PDE4D: variants seen among roughly 807,000 people sequenced by gnomAD.
The protein encoded by PDE4D is 3',5'-cyclic-AMP phosphodiesterase 4D.
PDE4D carries 24 observed loss-of-function variants against 87.4 expected under a neutral mutation model. The ratio of observed to expected loss-of-function variants is 0.27; its 90% CI spans 0.20 to 0.39. The LOEUF (loss-of-function observed/expected upper bound fraction) is 0.39, where lower values mean the gene tolerates loss of function less well. PDE4D is among the 10% of genes least tolerant of loss of function. The pLI, the probability that PDE4D is intolerant of heterozygous loss-of-function variation, is 1.00. For synonymous variants in PDE4D, 384 were observed against 383.2 expected, an observed-to-expected ratio of 1.00 and a Z score of -0.02; for missense variants, 714 against 1,041.0, an observed-to-expected ratio of 0.69 and a Z score of 4.32.
At chr5:60,048,593 T>C (rs984904738) in intron 2 of PDE4D, among the ~76,000 whole-genome samples, 2 of 152,148 alleles carry the variant, frequency 1.3e-5, no homozygotes, top group African/African-American at 4.8e-5. Flanking sequence ...TTTGCTTGTC[T>C]GTAAAGGATT....
intron 1 of PDE4D, among the ~76,000 whole-genome samples, chr5:59,816,076 T>A (rs778779859): frequency 2.0e-5 from 3 of 152,208 alleles, no homozygotes; most frequent in Admixed American, 1.3e-4. Flanking sequence ...CAGTGAAGGG[T>A]TGGAAGTGTC....
intron 2 of PDE4D, among the ~76,000 whole-genome samples, chr5:60,104,326 C>T (rs1776602640): frequency 6.6e-6 from 1 of 152,188 alleles, no homozygotes. Flanking sequence ...CCACCATTGC[C>T]CAGGCTTGCT....
intron 1 of PDE4D, among the ~76,000 whole-genome samples, chr5:60,220,011 T>C (rs1024996998): frequency 6.6e-6 from 1 of 152,178 alleles, no homozygotes; most frequent in Non-Finnish European, 1.5e-5. Flanking sequence ...AATGGACTAG[T>C]ATAGTTCACA....
chr5:59,682,215 A>G (rs1240972564), intron 1 of PDE4D, among the ~76,000 whole-genome samples: 3 of 152,210 alleles, frequency 2.0e-5, no homozygotes, highest in Non-Finnish European at 2.9e-5. Flanking sequence ...GAATAACAGC[A>G]TATTTACATG....
At chr5:59,984,958 T>C (rs916336735) in intron 3 of PDE4D, among the ~76,000 whole-genome samples, 1 of 151,906 alleles carries the variant, frequency 6.6e-6, no homozygotes, top group African/African-American at 2.4e-5. Context: ...AGGTTGGCAA[T>C]GGGACTTAAA....
intron 1 of PDE4D, among the ~76,000 whole-genome samples, chr5:59,687,831 G>A (rs750925462): frequency 2.0e-4 from 31 of 152,056 alleles, no homozygotes; most frequent in Admixed American, 1.2e-3. Context: ...CCCATCTCAC[G>A]TGCAGAGACA....
chr5:60,015,554 G>A (rs1398852517), intron 2 of PDE4D, among the ~76,000 whole-genome samples: 1 of 152,188 alleles, frequency 6.6e-6, no homozygotes, highest in African/African-American at 2.4e-5. Context: ...CAGAGAGTAT[G>A]ATGATTAACT....
chr5:60,008,773 T>C (rs756003434), intron 2 of PDE4D, among the ~76,000 whole-genome samples: 1 of 152,124 alleles, frequency 6.6e-6, no homozygotes, highest in African/African-American at 2.4e-5. Flanking sequence ...TATTAAACTA[T>C]GTCTCACCTT....
At chr5:59,948,904 T>A (rs1757979197) in intron 3 of PDE4D, among the ~76,000 whole-genome samples, 1 of 152,248 alleles carries the variant, frequency 6.6e-6, no homozygotes, top group Non-Finnish European at 1.5e-5. Context: ...GGTCACCTAC[T>A]TATAGTTAAC....
chr5:59,636,301 A>G (rs1040614348), intron 1 of PDE4D, among the ~76,000 whole-genome samples: 4 of 152,234 alleles, frequency 2.6e-5, no homozygotes, highest in Non-Finnish European at 5.9e-5. Context: ...AAATGGCCAC[A>G]CTGTCCAAAG....
At chr5:59,808,643 T>A (rs1391971597) in intron 1 of PDE4D, among the ~76,000 whole-genome samples, 2 of 152,150 alleles carry the variant, frequency 1.3e-5, no homozygotes, top group Non-Finnish European at 2.9e-5. Flanking sequence ...TAAGTTTCCA[T>A]TATTCTGCTC....
chr5:60,093,698 T>G (rs1775374756), intron 2 of PDE4D, among the ~76,000 whole-genome samples: 1 of 152,082 alleles, frequency 6.6e-6, no homozygotes. Flanking sequence ...TCTAGAAAAA[T>G]GCAAAAATGA....
At chr5:59,324,905 A>G (rs1405069254) in intron 1 of PDE4D, among the ~76,000 whole-genome samples, 1 of 152,166 alleles carries the variant, frequency 6.6e-6, no homozygotes, top group Non-Finnish European at 1.5e-5. Context: ...GGAACTAAGA[A>G]CTAAAGAAAA....
chr5:60,166,768 T>C (rs1398131703), intron 2 of PDE4D, among the ~76,000 whole-genome samples: 1 of 152,218 alleles, frequency 6.6e-6, no homozygotes, highest in African/African-American at 2.4e-5. Context: ...CTTCTTCAGC[T>C]TTTGATTTTC....
intron 5 of PDE4D, among the ~76,000 whole-genome samples, chr5:59,172,185 A>G (rs1345546177): frequency 4.6e-5 from 5 of 109,678 alleles, no homozygotes; most frequent in African/African-American, 1.9e-4. Flanking sequence ...TATAATATAT[A>G]ATACATATAT....
Position 59,217,078 on chromosome 5 carries a change from GA to G in PDE4D, c.456-1111del. The G allele has an allele frequency of 7.8e-6, 3 of 384,056 alleles. No individual in the cohort carries two copies. The East Asian group carries it at 2.2e-4, about 28-fold the overall frequency. The allele number at this position is 384,056 out of a possible 1,614,324, so 23.8% of individuals were successfully genotyped here. Reference sequence around the variant, plus strand: ...TCAGCAATACATATTTTAGAGCTGGGAAAAAATCTACACACACAGTTCTTAA... The same window carrying G: ...TCAGCAATACATATTTTAGAGCTGGGAAAAATCTACACACACAGTTCTTAA... On this transcript the variant is annotated intron_variant, in intron 1 of 14. Coordinates refer to ENST00000340635, the MANE Select transcript of PDE4D (RefSeq NM_001104631.2).
intron 1 of PDE4D, among the ~76,000 whole-genome samples, chr5:59,404,285 C>T (rs759101770): frequency 3.3e-5 from 5 of 152,104 alleles, no homozygotes; most frequent in South Asian, 2.1e-4. Context: ...TCCTTTGCTA[C>T]GCAGGTATTT....
chr5:60,096,662 A>C (rs1395208008), intron 2 of PDE4D, among the ~76,000 whole-genome samples: 1 of 152,106 alleles, frequency 6.6e-6, no homozygotes, highest in African/African-American at 2.4e-5. Context: ...TCTAGAAGGA[A>C]GTTTACTCTT....
intron 1 of PDE4D, among the ~76,000 whole-genome samples, chr5:59,618,736 A>T (rs10056137): frequency 0.044 from 6,629 of 152,096 alleles, 207 homozygotes; most frequent in African/African-American, 0.087. Flanking sequence ...TCCAAAACTC[A>T]TATTGAAATT....
Sources: allele counts gnomAD v4.1 joint callset (sites outside exome capture counted in the v4.1 genomes callset), GRCh38; gene constraint gnomAD v4.1.1; transcripts MANE v1.5; gene names NCBI Gene and HGNC (gene_info 2026-07-23, HGNC 2026-07-21).